RYR2: variants seen among roughly 807,000 people sequenced by gnomAD.
The protein encoded by RYR2 is cardiac muscle ryanodine receptor-calcium release channel.
A neutral mutation model predicts 601.1 loss-of-function variants in RYR2; 227 were observed. The ratio of observed to expected loss-of-function variants is 0.38; its 90% CI spans 0.34 to 0.42. RYR2 has a LOEUF of 0.42. Ranked by LOEUF, RYR2 falls within the 10% of genes least tolerant of loss-of-function variation. RYR2 has a pLI of 1.00. For missense variants in RYR2, 4,646 were observed against 6,156.5 expected (o/e 0.75, Z 8.21); for synonymous variants, 2,223 against 2,175.1 (o/e 1.02, Z -0.61).
Position 237,784,437 on chromosome 1 carries a change from G to A in RYR2, c.12725G>A (p.Arg4242Lys), listed in dbSNP as rs2149354982. ...RMAFFSILTV[R>K]SALFALRYNI... ...GCTTTCTTCTCCATTCTGACGGTCA[G>A]GTCGGCCCTGTTTGCGCTCAGGTAC... The change falls in exon 90 of 105, where the codon AGG becomes AAG. Residue 4242 changes from arginine (R) to lysine (K), a missense_variant. Arg to Lys is a conservative substitution (Grantham distance 26, BLOSUM62 2). This residue lies in a region of RYR2 where 364 missense variants were observed against 442.9 expected (regional missense o/e 0.82). Coordinates refer to ENST00000366574, the MANE Select transcript of RYR2 (RefSeq NM_001035.3). The surrounding 1 kb of genome is among the most constrained non-coding windows in gnomAD (Gnocchi z 7.1). The A allele has an allele frequency of 1.2e-6, 2 of 1,613,806 alleles. No homozygotes were observed. The highest frequency in any genetic ancestry group is 1.7e-6 in the Non-Finnish European group (2 of 1,179,818).
intron 30 of RYR2, among the ~76,000 whole-genome samples, chr1:237,590,219 T>TC (rs201350249): frequency 2.5e-4 from 36 of 146,892 alleles, no homozygotes; most frequent in South Asian, 2.1e-3. Context: ...TTTTTTTTTT[T>TC]CTTGAGCTAT....
At chr1:237,787,597 C>CAAAAAAAAAAAA (rs778668137) in intron 91 of RYR2, among the ~76,000 whole-genome samples, 3 of 60,394 alleles carry the variant, frequency 5.0e-5, no homozygotes, top group Non-Finnish European at 7.7e-5. Flanking sequence ...GTCTCAAAAA[C>CAAAAAAAAAAAA]AAAAAAAAAA....
chr1:237,733,768 TC>T lies in RYR2; in HGVS notation c.11091+14del. On this transcript the variant is annotated intron_variant, in intron 79 of 104. Transcript: ENST00000366574. ...ATATTATGGCAAAGGTAAATAAGTA[TC>T]CTTCCTGATTTTCATGTTTAATTTT... 6.5e-7 allele frequency: 1 copy of T among 1,546,652 alleles called. No individual in the cohort carries two copies.
intron 14 of RYR2, among the ~76,000 whole-genome samples, chr1:237,449,742 C>G (rs1657856911): frequency 6.9e-6 from 1 of 145,906 alleles, no homozygotes; most frequent in African/African-American, 2.5e-5. Context: ...CTGTGTACAG[C>G]ATTCTAGATT....
At chr1:237,356,122 C>A in intron 4 of RYR2, 137 bp downstream of exon 4, 1 of 739,288 alleles carries the variant, frequency 1.4e-6, no homozygotes, top group Admixed American at 2.6e-5. Flanking sequence ...GTAATGAACA[C>A]ATGTTTTACA....
intron 29 of RYR2, among the ~76,000 whole-genome samples, chr1:237,569,650 C>G (rs1672457982): frequency 6.6e-6 from 1 of 152,112 alleles, no homozygotes; most frequent in Non-Finnish European, 1.5e-5. Flanking sequence ...TGCCTAGAGC[C>G]TCTTTCTGTT....
At chr1:237,735,234 C>G (rs2149181622) in intron 79 of RYR2, among the ~76,000 whole-genome samples, 1 of 152,168 alleles carries the variant, frequency 6.6e-6, no homozygotes, top group South Asian at 2.1e-4. Flanking sequence ...TGGGGACATG[C>G]TGTAGTGTGA....
At chr1:237,100,165 G>C (rs560347791) in intron 1 of RYR2, among the ~76,000 whole-genome samples, 1 of 152,264 alleles carries the variant, frequency 6.6e-6, no homozygotes, top group Admixed American at 6.5e-5. Flanking sequence ...ATAAGTGGGG[G>C]AAGTGGTAGG....
chr1:237,107,728 G>A (rs1213782799), intron 1 of RYR2, among the ~76,000 whole-genome samples: 3 of 152,026 alleles, frequency 2.0e-5, no homozygotes, highest in South Asian at 4.2e-4. Flanking sequence ...TGTAGGAAAC[G>A]TCTGGACACT....
At chr1:237,325,605 G>A (rs776946645) in intron 2 of RYR2, among the ~76,000 whole-genome samples, 2 of 152,034 alleles carry the variant, frequency 1.3e-5, no homozygotes, top group African/African-American at 4.8e-5. Flanking sequence ...GGAGAATGGC[G>A]TGAACGTGGG....
chr1:237,437,658 A>G (rs1248382617), intron 12 of RYR2, among the ~76,000 whole-genome samples: 2 of 152,224 alleles, frequency 1.3e-5, no homozygotes, highest in Non-Finnish European at 2.9e-5. Context: ...CTGATAGTGA[A>G]AGTACAACAT....
chr1:237,724,325 G>A (rs1012816887), intron 74 of RYR2, among the ~76,000 whole-genome samples: 9 of 149,720 alleles, frequency 6.0e-5, no homozygotes, highest in Admixed American at 2.0e-4. Context: ...TAAACATTTT[G>A]CTTGTATTCC....
intron 10 of RYR2, among the ~76,000 whole-genome samples, chr1:237,391,485 T>C (rs1043443986): frequency 1.3e-5 from 2 of 152,312 alleles, no homozygotes; most frequent in Non-Finnish European, 1.5e-5. Flanking sequence ...AAGTCCAATT[T>C]ACTTTGTTAG....
intron 10 of RYR2, among the ~76,000 whole-genome samples, chr1:237,405,963 A>C (rs1703826047): frequency 6.8e-6 from 1 of 146,980 alleles, no homozygotes. Context: ...CACTTTGAAT[A>C]TGGCAGCATT....
intron 84 of RYR2, among the ~76,000 whole-genome samples, chr1:237,766,752 G>C (rs1693878316): frequency 6.6e-6 from 1 of 152,128 alleles, no homozygotes; most frequent in South Asian, 2.1e-4. Context: ...TTCCGCTCCA[G>C]CTAGTTTAAT....
intron 1 of RYR2, among the ~76,000 whole-genome samples, chr1:237,135,564 G>A (rs1409876273): frequency 6.8e-6 from 1 of 146,914 alleles, no homozygotes; most frequent in African/African-American, 2.5e-5. Flanking sequence ...TTTTAGTAGA[G>A]ATGGGTTTTC....
chr1:237,200,988 G>GTAA (rs1198372732), intron 1 of RYR2, among the ~76,000 whole-genome samples: 3 of 152,154 alleles, frequency 2.0e-5, no homozygotes, highest in Non-Finnish European at 2.9e-5. Context: ...TCACATAAGA[G>GTAA]TAATCAATGT....
intron 3 of RYR2, among the ~76,000 whole-genome samples, chr1:237,350,602 A>AAATAT (rs1558665984): frequency 8.1e-5 from 3 of 37,008 alleles, no homozygotes; most frequent in Admixed American, 3.9e-4. Flanking sequence ...AAAAAAAAAA[A>AAATAT]ATATATATAT....
chr1:237,630,404 A>G (rs1680123679), intron 41 of RYR2, among the ~76,000 whole-genome samples: 1 of 152,148 alleles, frequency 6.6e-6, no homozygotes, highest in African/African-American at 2.4e-5. Flanking sequence ...AGCCTTGGGC[A>G]TCAAGTTTTT....
Sources: gnomAD v4.1 joint callset for allele counts (sites outside exome capture counted in the v4.1 genomes callset) on GRCh38, gnomAD v4.1.1 for gene constraint, gnomAD v4.1.1 regional missense constraint, Gnocchi (gnomAD v3.1) non-coding constraint, MANE v1.5 for transcripts, NCBI Gene and HGNC (gene_info 2026-07-23, HGNC 2026-07-21) for gene names.